The following LMBRD1 variants were observed in gnomAD, a reference collection of about 807,000 sequenced individuals.
LMBRD1 encodes lysosomal cobalamin transport escort protein LMBD1.
In LMBRD1, 64 loss-of-function variants were observed where a neutral mutation model predicts 74.8. That is an observed-to-expected ratio of 0.86 (90% CI 0.70 to 1.05). The LOEUF is 1.05. LMBRD1 is among the 50% of genes least tolerant of loss of function. The pLI is 0.00. For missense variants in LMBRD1, 652 were observed against 645.9 expected, an observed-to-expected ratio of 1.01 and a Z score of -0.10; for synonymous variants, 204 against 216.3, an observed-to-expected ratio of 0.94 and a Z score of 0.50.
rs544239611 is a variant in LMBRD1 at position 69,711,970 on chromosome 6, G to A, written c.915+1675C>T. 1.4e-4 allele frequency among the ~76,000 whole-genome samples: 22 copies of A among 152,084 alleles called. No homozygotes were observed. In the South Asian group the frequency reaches 2.1e-3, roughly 14 times the overall value. On this transcript the variant is annotated intron_variant, in intron 9 of 15. Transcript: ENST00000649934. ...AAGGAACCCATTAGTTATTCTACCCGATCCTCTCCTTCCTCCCACCCTCCA... is the reference window on the plus strand; with the variant it reads ...AAGGAACCCATTAGTTATTCTACCCAATCCTCTCCTTCCTCCCACCCTCCA...
chr6:69,773,059 T>A (rs9346348), intron 3 of LMBRD1, among the ~76,000 whole-genome samples: 54,698 of 152,090 alleles, frequency 0.36, 10,451 homozygotes, highest in East Asian at 0.54. Flanking sequence ...TGTACTCTTC[T>A]CAAGTTAGAT....
At chr6:69,677,176 A>G (rs1447207096) in intron 14 of LMBRD1, among the ~76,000 whole-genome samples, 1 of 152,204 alleles carries the variant, frequency 6.6e-6, no homozygotes, top group Non-Finnish European at 1.5e-5. Context: ...AATAGAGAGT[A>G]ATTGGACAAA....
intron 13 of LMBRD1, 99 bp from the exon 14 acceptor site, chr6:69,697,740 C>G: frequency 1.5e-6 from 1 of 656,600 alleles, no homozygotes; most frequent in Non-Finnish European, 2.7e-6. Flanking sequence ...TGTATACTAA[C>G]TACATCTATC....
chr6:69,792,574 C>T (rs1010000791), intron 1 of LMBRD1, among the ~76,000 whole-genome samples: 6 of 152,050 alleles, frequency 3.9e-5, no homozygotes, highest in Non-Finnish European at 7.4e-5. Flanking sequence ...AACAAACAAA[C>T]AAAAAGGATC....
intron 7 of LMBRD1, among the ~76,000 whole-genome samples, chr6:69,731,587 T>C (rs754763260): frequency 1.4e-4 from 21 of 152,148 alleles, no homozygotes; most frequent in Non-Finnish European, 2.2e-4. Context: ...AAATATTTGA[T>C]ATTTTATTGT....
At chr6:69,777,152 A>T (rs556499064) in intron 3 of LMBRD1, among the ~76,000 whole-genome samples, 1 of 151,802 alleles carries the variant, frequency 6.6e-6, no homozygotes, top group Non-Finnish European at 1.5e-5. Context: ...CATCTCAAAA[A>T]AATTAAAAAA....
intron 8 of LMBRD1, among the ~76,000 whole-genome samples, chr6:69,717,080 T>C (rs1766507988): frequency 6.6e-6 from 1 of 151,876 alleles, no homozygotes; most frequent in African/African-American, 2.4e-5. Context: ...ATATATTGAG[T>C]TGTTCTCGAC....
intron 7 of LMBRD1, among the ~76,000 whole-genome samples, chr6:69,722,458 C>T (rs1464929108): frequency 7.2e-6 from 1 of 138,718 alleles, no homozygotes; most frequent in Non-Finnish European, 1.6e-5. Context: ...AATGATGAAC[C>T]AATCAAAAAA....
At chr6:69,690,149 T>A (rs2149838868) in intron 14 of LMBRD1, among the ~76,000 whole-genome samples, 1 of 152,208 alleles carries the variant, frequency 6.6e-6, no homozygotes, top group South Asian at 2.1e-4. Context: ...GGTCATAATC[T>A]GTGTTGATAA....
At chr6:69,768,236 C>A (rs1377360182) in intron 3 of LMBRD1, among the ~76,000 whole-genome samples, 2 of 151,694 alleles carry the variant, frequency 1.3e-5, no homozygotes, top group Admixed American at 6.6e-5. Flanking sequence ...TTTATTATGT[C>A]TTTTTTGTTG....
intron 14 of LMBRD1, among the ~76,000 whole-genome samples, chr6:69,693,025 T>A (rs1456434900): frequency 6.6e-6 from 1 of 152,136 alleles, no homozygotes; most frequent in African/African-American, 2.4e-5. Flanking sequence ...TTTAAATAAT[T>A]ATTTGTTTTA....
intron 7 of LMBRD1, among the ~76,000 whole-genome samples, chr6:69,735,099 A>G (rs1270851200): frequency 6.6e-6 from 1 of 152,220 alleles, no homozygotes; most frequent in Non-Finnish European, 1.5e-5. Flanking sequence ...TTATTTTACA[A>G]TAATTTGCAT....
In LMBRD1 at chr6:69,783,577, G is replaced by A. The variant is rs531109620; in HGVS notation, c.247-3023C>T. ...TTTTGTAGAGACTGGGTTTCACCACGTTGCCCAGGCTGGTCTTGAACTCCT... is the reference window on the plus strand; with the variant it reads ...TTTTGTAGAGACTGGGTTTCACCACATTGCCCAGGCTGGTCTTGAACTCCT... On this transcript the variant is annotated intron_variant, in intron 2 of 15. Coordinates refer to ENST00000649934, the MANE Select transcript of LMBRD1 (RefSeq NM_018368.4). Among the ~76,000 whole-genome samples the A allele has an allele frequency of 1.8e-4, 28 of 152,204 alleles. No homozygotes were observed. In the East Asian group the frequency reaches 2.5e-3, roughly 14 times the overall value.
At chr6:69,681,206 A>G (rs1392044254) in intron 14 of LMBRD1, among the ~76,000 whole-genome samples, 1 of 152,064 alleles carries the variant, frequency 6.6e-6, no homozygotes, top group Non-Finnish European at 1.5e-5. Flanking sequence ...TACAAAAAAG[A>G]ATTCAAAGGG....
At chr6:69,693,761 C>T (rs1438007883) in intron 14 of LMBRD1, among the ~76,000 whole-genome samples, 12 of 151,796 alleles carry the variant, frequency 7.9e-5, no homozygotes, top group African/African-American at 2.9e-4. Flanking sequence ...GGCATCCCTA[C>T]CCTTATGTGT....
intron 7 of LMBRD1, among the ~76,000 whole-genome samples, chr6:69,731,991 G>C (rs898776437): frequency 6.6e-6 from 1 of 152,050 alleles, no homozygotes; most frequent in Non-Finnish European, 1.5e-5. Context: ...GATTATAAAT[G>C]ATTAAGAAAA....
At chr6:69,745,931 C>T (rs772333695) in intron 5 of LMBRD1, 8 of 228,238 alleles carry the variant, frequency 3.5e-5, no homozygotes, top group Non-Finnish European at 5.3e-5. Flanking sequence ...GTCACCAGAG[C>T]TCCTTTTAAC....
chr6:69,783,554 T>C (rs1457302851), intron 2 of LMBRD1, among the ~76,000 whole-genome samples: 2 of 152,116 alleles, frequency 1.3e-5, no homozygotes, highest in African/African-American at 4.8e-5. Flanking sequence ...TTTGTATTTT[T>C]TGTAGAGACT....
chr6:69,779,050 A>G (rs1765767625), intron 3 of LMBRD1, among the ~76,000 whole-genome samples: 1 of 151,808 alleles, frequency 6.6e-6, no homozygotes, highest in Non-Finnish European at 1.5e-5. Context: ...GCTGGGCGTG[A>G]TGGTGTGTGC....
Sources: allele counts gnomAD v4.1 joint callset (sites outside exome capture counted in the v4.1 genomes callset), GRCh38; gene constraint gnomAD v4.1.1; transcripts MANE v1.5; gene names NCBI Gene and HGNC (gene_info 2026-07-23, HGNC 2026-07-21).